PALM2AKAP2: variants seen among roughly 807,000 people sequenced by gnomAD.
The protein encoded by PALM2AKAP2 is PALM2 and AKAP2 fusion.
In PALM2AKAP2, 37 loss-of-function variants were observed where a neutral mutation model predicts 71.5. The ratio of observed to expected loss-of-function variants is 0.52; its 90% CI spans 0.40 to 0.68. The LOEUF is 0.68. PALM2AKAP2 is among the 30% of genes least tolerant of loss of function. The pLI, the probability that PALM2AKAP2 is intolerant of heterozygous loss-of-function variation, is 0.00. For missense variants in PALM2AKAP2, 1,224 were observed against 1,191.8 expected (o/e 1.03, Z -0.40); for synonymous variants, 468 against 478.8 (o/e 0.98, Z 0.29).
At chr9:110,137,949 G>A (rs367980096) in exon 2 of PALM2AKAP2, 9 of 1,614,012 alleles carry the variant, frequency 5.6e-6, no homozygotes, top group African/African-American at 1.3e-5. Flanking sequence ...TATCAGGCTG[G>A]CCTCCTGGTG....
chr9:109,900,958 T>C (rs993628891), intron 3 of PALM2AKAP2, among the ~76,000 whole-genome samples: 2 of 152,242 alleles, frequency 1.3e-5, no homozygotes, highest in African/African-American at 4.8e-5. Flanking sequence ...TCAGTATGTC[T>C]CAATTAATTG....
intron 3 of PALM2AKAP2, among the ~76,000 whole-genome samples, chr9:110,163,298 A>G (rs1169741161): frequency 6.6e-6 from 1 of 152,198 alleles, no homozygotes; most frequent in East Asian, 1.9e-4. Flanking sequence ...GGTTCCAAGA[A>G]TACAGCAGTC....
chr9:110,082,733 G>GTTAA (rs1834476911), intron 1 of PALM2AKAP2, among the ~76,000 whole-genome samples: 3 of 152,340 alleles, frequency 2.0e-5, no homozygotes, highest in African/African-American at 7.2e-5. Flanking sequence ...TTTTAACCAT[G>GTTAA]TTAAGGTATA....
At chr9:109,794,562 G>A (rs13286306) in intron 1 of PALM2AKAP2, among the ~76,000 whole-genome samples, 16,967 of 152,056 alleles carry the variant, frequency 0.11, 1,187 homozygotes, top group South Asian at 0.19. Context: ...TTTCTGGCCA[G>A]CCTTCCCTGT....
chr9:109,806,730 A>C (rs1349946433), intron 1 of PALM2AKAP2, among the ~76,000 whole-genome samples: 1 of 152,224 alleles, frequency 6.6e-6, no homozygotes, highest in Non-Finnish European at 1.5e-5. Flanking sequence ...TTCAAAAAGC[A>C]AAAGGAAAGC....
chr9:110,083,379 C>T (rs771013541), intron 1 of PALM2AKAP2, among the ~76,000 whole-genome samples: 15 of 152,124 alleles, frequency 9.9e-5, no homozygotes, highest in African/African-American at 2.9e-4. Context: ...GCAACAACAG[C>T]GTGGTTTTTG....
intron 2 of PALM2AKAP2, among the ~76,000 whole-genome samples, chr9:110,154,120 T>G (rs4372077): frequency 0.15 from 23,233 of 152,204 alleles, 2,103 homozygotes; most frequent in Non-Finnish European, 0.2. Flanking sequence ...CATTATTCTT[T>G]GAGATTCCAA....
chr9:109,868,532 A>C (rs1829520118), intron 2 of PALM2AKAP2, among the ~76,000 whole-genome samples: 1 of 152,132 alleles, frequency 6.6e-6, no homozygotes, highest in South Asian at 2.1e-4. Context: ...GGTATGAATT[A>C]TCTAGATTTT....
intron 1 of PALM2AKAP2, among the ~76,000 whole-genome samples, chr9:109,854,395 TG>T (rs1829098294): frequency 6.6e-6 from 1 of 152,238 alleles, no homozygotes; most frequent in Non-Finnish European, 1.5e-5. Context: ...AACATCCCTC[TG>T]GCCACAGGCA....
chr9:109,989,748 C>A (rs949876670), intron 6 of PALM2AKAP2, among the ~76,000 whole-genome samples: 1 of 152,214 alleles, frequency 6.6e-6, no homozygotes, highest in East Asian at 1.9e-4. Flanking sequence ...GCCAGCTTCT[C>A]CTACTGTGGG....
At chr9:109,979,542 T>G (rs746030919) in intron 6 of PALM2AKAP2, among the ~76,000 whole-genome samples, 21 of 152,244 alleles carry the variant, frequency 1.4e-4, no homozygotes, top group Non-Finnish European at 2.8e-4. Flanking sequence ...CTTTCCATAT[T>G]GAGGATACCT....
chr9:109,831,934 A>G (rs937766210), intron 1 of PALM2AKAP2, among the ~76,000 whole-genome samples: 1 of 152,234 alleles, frequency 6.6e-6, no homozygotes, highest in Non-Finnish European at 1.5e-5. Context: ...ATTTTGAAGC[A>G]GTAGAGCCTT....
In PALM2AKAP2 at chr9:110,097,908, C is replaced by T. The variant is rs374272073; in HGVS notation, c.157-38219C>T. Among the ~76,000 whole-genome samples, 23 of 140,858 alleles carry T rather than the reference C, an allele frequency of 1.6e-4. No homozygotes were observed. The East Asian group carries it at 1.7e-3, about 11-fold the overall frequency. 92.4% of individuals were successfully genotyped at this position (140,858 alleles called of 152,430 possible). A position where few individuals can be genotyped will look rare whatever the true frequency, so the allele number is the denominator to read the frequency against. On this transcript the variant is annotated intron_variant, in intron 1 of 3. Transcript: ENST00000374525. ...GTGAAGGAGACTCCGTCTGCAATCC[C>T]GGCACCTCGGGAGGCCAAGGCTGGC...
intron 1 of PALM2AKAP2, among the ~76,000 whole-genome samples, chr9:109,840,564 A>G (rs1178573903): frequency 6.6e-6 from 1 of 152,236 alleles, no homozygotes; most frequent in African/African-American, 2.4e-5. Context: ...AGAAACTACC[A>G]TCAGAGTGAA....
At chr9:109,924,442 A>G (rs1249467320) in intron 4 of PALM2AKAP2, among the ~76,000 whole-genome samples, 1 of 152,102 alleles carries the variant, frequency 6.6e-6, no homozygotes, top group Non-Finnish European at 1.5e-5. Flanking sequence ...ACTAAAAAAT[A>G]CAAAAAAATT....
At chr9:109,778,079 T>G (rs1466291573), upstream of PALM2AKAP2, among the ~76,000 whole-genome samples, 1 of 152,256 alleles carries the variant, frequency 6.6e-6, no homozygotes, top group Admixed American at 6.5e-5. Context: ...AAATTTACCA[T>G]TTCAACCACT....
chr9:109,809,086 A>G, intron 1 of PALM2AKAP2, among the ~76,000 whole-genome samples: 1 of 152,230 alleles, frequency 6.6e-6, no homozygotes, highest in Non-Finnish European at 1.5e-5. Flanking sequence ...CTGCTAGGGC[A>G]GTGTGGAAAG....
chr9:109,765,468 GATCATGATC>G (rs1328511592), intron 1 of PALM2AKAP2: 9,629 of 141,602 alleles, frequency 0.068, 361 homozygotes, highest in Non-Finnish European at 0.082. Context: ...TCATGATCAT[GATCATGATC>G]ATCATCATCA....
At chr9:109,853,260 T>C (rs1335037163) in intron 1 of PALM2AKAP2, among the ~76,000 whole-genome samples, 1 of 135,310 alleles carries the variant, frequency 7.4e-6, no homozygotes, top group African/African-American at 2.7e-5. Flanking sequence ...CCCAGTACCT[T>C]TTCACAAGTA....
Sources: gnomAD v4.1 joint callset for allele counts (sites outside exome capture counted in the v4.1 genomes callset) on GRCh38, gnomAD v4.1.1 for gene constraint, MANE v1.5 for transcripts, NCBI Gene and HGNC (gene_info 2026-07-23, HGNC 2026-07-21) for gene names.